Variants in SEMA3A observed in about 807,000 individuals in gnomAD.
The protein encoded by SEMA3A is semaphorin-3A.
Under a neutral mutation model 97.9 loss-of-function variants are expected in SEMA3A, and 29 were observed. The observed-to-expected ratio is 0.30, with a 90% CI of 0.22 to 0.40. SEMA3A has a LOEUF of 0.40. Among genes scored for constraint, SEMA3A ranks in the 10% least tolerant of loss-of-function variants. The pLI, the probability that SEMA3A is intolerant of heterozygous loss-of-function variation, is 1.00. For missense variants in SEMA3A, 763 were observed against 951.3 expected (o/e 0.80, Z 2.60); for synonymous variants, 321 against 323.7 (o/e 0.99, Z 0.09).
At chr7:84,419,958 G>C (rs1370472570) in intron 1 of SEMA3A, among the ~76,000 whole-genome samples, 3 of 152,116 alleles carry the variant, frequency 2.0e-5, no homozygotes, top group Admixed American at 1.3e-4. Flanking sequence ...CATGATACTA[G>C]CTGAACACAC....
rs991487840 is a variant in SEMA3A at position 84,125,532 on chromosome 7, G to A, written c.333+3591C>T. On this transcript the variant is annotated intron_variant, in intron 3 of 16. Transcript: ENST00000265362. ...TAGCCGGATGTGATGGTGGACACCT[G>A]TAATCCCAGCTACTAAGGTGGCTGA... 5.5e-4 allele frequency among the ~76,000 whole-genome samples: 83 copies of A among 152,202 alleles called. 1 individual carries two copies. Among genetic ancestry groups the A allele is most frequent in the African/African-American group, 2.0e-3 (81 of 41,462 alleles).
At chr7:84,154,633 G>A (rs1173866987) in intron 1 of SEMA3A, among the ~76,000 whole-genome samples, 5 of 146,316 alleles carry the variant, frequency 3.4e-5, no homozygotes, top group East Asian at 2.0e-4. Flanking sequence ...CCAAGATCGC[G>A]CCACTGCACT....
intron 1 of SEMA3A, among the ~76,000 whole-genome samples, chr7:84,166,724 A>T (rs1445345079): frequency 6.6e-6 from 1 of 151,258 alleles, no homozygotes; most frequent in Non-Finnish European, 1.5e-5. Context: ...TACAAAAAAA[A>T]ATTAGCTGGG....
chr7:84,309,850 C>T (rs1483507102), intron 2 of SEMA3A, among the ~76,000 whole-genome samples: 1 of 151,930 alleles, frequency 6.6e-6, no homozygotes, highest in Non-Finnish European at 1.5e-5. Flanking sequence ...TTGACTATTC[C>T]AGAAACAGCA....
At chr7:84,119,810 C>A (rs183033250) in intron 3 of SEMA3A, among the ~76,000 whole-genome samples, 96 of 152,154 alleles carry the variant, frequency 6.3e-4, no homozygotes, top group African/African-American at 2.1e-3. Context: ...AAGATATTGG[C>A]CAAAATCTTT....
chr7:84,200,798 CT>C (rs33924638), intron 3 of SEMA3A, among the ~76,000 whole-genome samples: 72,995 of 141,500 alleles, frequency 0.52, 18,659 homozygotes, highest in East Asian at 0.75. Flanking sequence ...GTTTTTTTTC[CT>C]TTTTTTTTTT....
chr7:84,489,808 A>C (rs1397328995), intron 1 of SEMA3A, among the ~76,000 whole-genome samples: 1 of 152,086 alleles, frequency 6.6e-6, no homozygotes, highest in East Asian at 1.9e-4. Flanking sequence ...AGTGAACATG[A>C]AGTTATTAAG....
chr7:84,468,750 C>T (rs1806067559), intron 1 of SEMA3A, among the ~76,000 whole-genome samples: 1 of 151,844 alleles, frequency 6.6e-6, no homozygotes, highest in African/African-American at 2.4e-5. Flanking sequence ...GCTAAACGAT[C>T]TGATTTCCAG....
chr7:84,211,005 T>C (rs531146579), intron 3 of SEMA3A, among the ~76,000 whole-genome samples: 1 of 152,330 alleles, frequency 6.6e-6, no homozygotes, highest in East Asian at 1.9e-4. Flanking sequence ...CAAAAACTTT[T>C]TGTTCATGTT....
chr7:84,254,971 T>A (rs908256374), intron 3 of SEMA3A, among the ~76,000 whole-genome samples: 10 of 152,162 alleles, frequency 6.6e-5, no homozygotes, highest in African/African-American at 2.4e-4. Context: ...TTAAGAAGAA[T>A]GTGAGTCTTT....
intron 16 of SEMA3A, among the ~76,000 whole-genome samples, chr7:83,962,764 A>G (rs1298562733): frequency 6.6e-6 from 1 of 152,128 alleles, no homozygotes; most frequent in Non-Finnish European, 1.5e-5. Flanking sequence ...ATCACCCTAC[A>G]TCTACTACTA....
intron 1 of SEMA3A, among the ~76,000 whole-genome samples, chr7:84,468,277 T>G (rs963810163): frequency 6.6e-6 from 1 of 152,184 alleles, no homozygotes; most frequent in Admixed American, 6.5e-5. Flanking sequence ...AATGCCAGTA[T>G]GCAGAGCCCT....
At chr7:84,471,976 A>G (rs1806165479) in intron 1 of SEMA3A, among the ~76,000 whole-genome samples, 1 of 151,672 alleles carries the variant, frequency 6.6e-6, no homozygotes, top group Non-Finnish European at 1.5e-5. Context: ...ATTATTATTA[A>G]TTGCATTGAC....
At chr7:83,969,635 A>G (rs1022806757) in intron 15 of SEMA3A, among the ~76,000 whole-genome samples, 1 of 152,262 alleles carries the variant, frequency 6.6e-6, no homozygotes, top group Non-Finnish European at 1.5e-5. Context: ...ATCAAAAAGA[A>G]AATAGAGTTT....
At position 84,403,392 on chromosome 7, in the gene SEMA3A, G is replaced by A. The variant is rs1215564523; in HGVS notation, c.-245-31492C>T. Among the ~76,000 whole-genome samples the A allele has an allele frequency of 6.6e-5, 10 of 152,300 alleles. No homozygotes were observed. In the East Asian group the frequency reaches 7.8e-4, roughly 12 times the overall value. On this transcript the variant is annotated intron_variant, in intron 1 of 3. Transcript: ENST00000424555. The stretch of plus-strand genomic sequence containing the variant: ...CCAGGCTTGAGTAGGTAAACAAAGC[G>A]GCTGGGAAGCTTGAACTGGGTGGAG...
At chr7:84,031,357 A>G (rs1416519752) in intron 6 of SEMA3A, among the ~76,000 whole-genome samples, 1 of 151,948 alleles carries the variant, frequency 6.6e-6, no homozygotes, top group Non-Finnish European at 1.5e-5. Flanking sequence ...AATCTTTTTC[A>G]TCTTTGTCTA....
chr7:84,239,754 C>A (rs181839784), intron 3 of SEMA3A, among the ~76,000 whole-genome samples: 1 of 152,078 alleles, frequency 6.6e-6, no homozygotes, highest in East Asian at 1.9e-4. Context: ...TAATTTTTAC[C>A]ATCTTTGGAG....
chr7:84,156,601 G>A lies in SEMA3A; in HGVS notation c.113-21650C>T, dbSNP rs912601287. ...TGTAAAATATACATTCCGATTCTAC[G>A]TATGTGGCATGTTTCTGTGGGAAAG... On this transcript the variant is annotated intron_variant, in intron 1 of 16. Transcript: ENST00000265362. Among the ~76,000 whole-genome samples the A allele has an allele frequency of 5.9e-5, 9 of 152,000 alleles. No individual in the cohort carries two copies. The South Asian group carries it at 1.2e-3, about 21-fold the overall frequency.
intron 5 of SEMA3A, among the ~76,000 whole-genome samples, chr7:84,056,038 C>G (rs1226467925): frequency 4.6e-5 from 7 of 152,038 alleles, no homozygotes; most frequent in Admixed American, 3.9e-4. Flanking sequence ...AAAAAAATAC[C>G]ACATGGGCAG....
Sources: gnomAD v4.1 joint callset for allele counts (sites outside exome capture counted in the v4.1 genomes callset) on GRCh38, gnomAD v4.1.1 for gene constraint, MANE v1.5 for transcripts, NCBI Gene and HGNC (gene_info 2026-07-23, HGNC 2026-07-21) for gene names.